Variants in MAML2 observed in about 807,000 individuals in gnomAD.
The protein encoded by MAML2 is mastermind-like protein 2.
Under a neutral mutation model 96.1 loss-of-function variants are expected in MAML2, and 22 were observed. The observed-to-expected ratio is 0.23, with a 90% confidence interval of 0.16 to 0.33. The LOEUF (loss-of-function observed/expected upper bound fraction) is 0.33. MAML2 is among the 10% of genes least tolerant of loss of function. The pLI is 1.00. For synonymous variants in MAML2, 561 were observed against 521.3 expected (o/e 1.08, Z -1.04); for missense variants, 1,367 against 1,392.4 (o/e 0.98, Z 0.29).
intron 2 of MAML2, among the ~76,000 whole-genome samples, chr11:96,014,419 A>G (rs888069627): frequency 9.8e-5 from 15 of 152,308 alleles, no homozygotes; most frequent in African/African-American, 3.1e-4. Context: ...ACATTCAGAA[A>G]ATGAACTTAA....
chr11:96,297,181 A>G, intron 1 of MAML2, among the ~76,000 whole-genome samples: 1 of 152,170 alleles, frequency 6.6e-6, no homozygotes, highest in Non-Finnish European at 1.5e-5. Flanking sequence ...TTCCGGAGTG[A>G]GGTTTCAAAG....
At chr11:96,015,120 C>A (rs1858323554) in intron 2 of MAML2, among the ~76,000 whole-genome samples, 1 of 152,162 alleles carries the variant, frequency 6.6e-6, no homozygotes, top group Non-Finnish European at 1.5e-5. Flanking sequence ...CTCAGGCAGC[C>A]TGACTCCAGA....
At chr11:96,058,126 A>T (rs1251984334) in intron 2 of MAML2, among the ~76,000 whole-genome samples, 1 of 152,188 alleles carries the variant, frequency 6.6e-6, no homozygotes, top group African/African-American at 2.4e-5. Flanking sequence ...TGGGGACCAA[A>T]ATTCCATACT....
At chr11:96,179,714 G>A (rs1196953762) in intron 1 of MAML2, among the ~76,000 whole-genome samples, 1 of 152,216 alleles carries the variant, frequency 6.6e-6, no homozygotes, top group Non-Finnish European at 1.5e-5. Flanking sequence ...GGAGGGACCT[G>A]GGAAGCCACC....
chr11:96,048,115 T>C (rs1410366013), intron 2 of MAML2, among the ~76,000 whole-genome samples: 1 of 152,098 alleles, frequency 6.6e-6, no homozygotes, highest in Non-Finnish European at 1.5e-5. Context: ...TCCTCCATGC[T>C]CTGTTTGGAC....
intron 1 of MAML2, among the ~76,000 whole-genome samples, chr11:96,113,432 T>C (rs1860167821): frequency 6.6e-6 from 1 of 151,876 alleles, no homozygotes; most frequent in Non-Finnish European, 1.5e-5. Context: ...CAAGTAAAAA[T>C]CCTAAGCCTG....
At chr11:96,109,928 C>A (rs1860090454) in intron 1 of MAML2, among the ~76,000 whole-genome samples, 1 of 151,482 alleles carries the variant, frequency 6.6e-6, no homozygotes, top group African/African-American at 2.4e-5. Context: ...TTGCAAGGAA[C>A]AAGAAGAGAA....
At chr11:96,005,597 G>A (rs1858167113) in intron 2 of MAML2, among the ~76,000 whole-genome samples, 1 of 152,194 alleles carries the variant, frequency 6.6e-6, no homozygotes, top group Non-Finnish European at 1.5e-5. Context: ...AGTTGAGGGT[G>A]GAGAGTAGGG....
intron 2 of MAML2, among the ~76,000 whole-genome samples, chr11:96,043,197 T>C (rs565673475): frequency 2.0e-5 from 3 of 152,356 alleles, no homozygotes; most frequent in South Asian, 2.1e-4. Context: ...AATACTGATA[T>C]CATTTTACAA....
intron 1 of MAML2, among the ~76,000 whole-genome samples, chr11:96,141,583 C>T (rs79159369): frequency 1.3e-5 from 2 of 151,940 alleles, no homozygotes; most frequent in Non-Finnish European, 2.9e-5. Context: ...GGGATGAGAG[C>T]CAAGGTAAAT....
At position 95,979,702 on chromosome 11, in the gene MAML2, G is replaced by C; in HGVS notation, c.2717C>G (p.Pro906Arg). 1 of 1,613,950 alleles carries C rather than the reference G, an allele frequency of 6.2e-7. No homozygotes were observed. Among genetic ancestry groups the C allele is most frequent in the Admixed American group, 1.7e-5 (1 of 60,020 alleles). The change falls in exon 5 of 5, where the codon CCT becomes CGT. Residue 906 changes from proline (P) to arginine (R), a missense_variant. By Grantham distance (103) the Pro-to-Arg change is moderately radical. Transcript: ENST00000524717. ...TAAGGTAGGTGGCCGTGGCATCATA[G>C]GGTTGTTTTGATTTGCTAACAATTG... ...PKQLLANQNN[P>R]MMPRPPTLGP...
intron 1 of MAML2, among the ~76,000 whole-genome samples, chr11:96,206,907 T>G (rs1565248629): frequency 6.6e-6 from 1 of 152,080 alleles, no homozygotes; most frequent in Non-Finnish European, 1.5e-5. Context: ...AAAAATATCA[T>G]GTTTGGTAAA....
chr11:96,286,457 G>C (rs148891540), intron 1 of MAML2, among the ~76,000 whole-genome samples: 82 of 152,208 alleles, frequency 5.4e-4, no homozygotes, highest in African/African-American at 2.0e-3. Context: ...TGCACATTCT[G>C]CACATGTACC....
chr11:96,059,429 A>G (rs1443161803), intron 2 of MAML2, among the ~76,000 whole-genome samples: 3 of 152,150 alleles, frequency 2.0e-5, no homozygotes, highest in Non-Finnish European at 4.4e-5. Flanking sequence ...TAAAACCCCT[A>G]CTTTCTTGTT....
chr11:96,204,966 T>C (rs145791625), intron 1 of MAML2, among the ~76,000 whole-genome samples: 9 of 152,354 alleles, frequency 5.9e-5, no homozygotes, highest in African/African-American at 1.9e-4. Context: ...GTGAACTTCT[T>C]AAGAATCGAA....
intron 2 of MAML2, among the ~76,000 whole-genome samples, chr11:96,053,282 C>A (rs1482864203): frequency 6.6e-6 from 1 of 152,194 alleles, no homozygotes; most frequent in Non-Finnish European, 1.5e-5. Context: ...AAAATGCCAA[C>A]TGCCACTAGA....
chr11:96,297,123 G>T lies in MAML2; in HGVS notation c.513+44260C>A, dbSNP rs149990958. Among the ~76,000 whole-genome samples the T allele has an allele frequency of 5.8e-4, 88 of 152,240 alleles. 2 individuals are homozygous for T. In the East Asian group the frequency reaches 0.016, roughly 28 times the overall value. On this transcript the variant is annotated intron_variant, in intron 1 of 4. Transcript: ENST00000524717. ...CCACTTCAGCTTGGGAAAGGCTGCAGCTGGGCTGGGACCCCAGCTGATGAT... is the reference window on the plus strand; with the variant it reads ...CCACTTCAGCTTGGGAAAGGCTGCATCTGGGCTGGGACCCCAGCTGATGAT...
intron 1 of MAML2, among the ~76,000 whole-genome samples, chr11:96,116,967 A>C (rs1269223666): frequency 6.6e-6 from 1 of 152,194 alleles, no homozygotes; most frequent in Non-Finnish European, 1.5e-5. Context: ...GATTACTAAT[A>C]ACAAATGATG....
At chr11:96,297,844 A>G (rs1863324682) in intron 1 of MAML2, among the ~76,000 whole-genome samples, 2 of 152,300 alleles carry the variant, frequency 1.3e-5, no homozygotes, top group South Asian at 4.1e-4. Context: ...GCATCTCTAA[A>G]AATATTTTCT....
Sources: gnomAD v4.1 joint callset for allele counts (sites outside exome capture counted in the v4.1 genomes callset) on GRCh38, gnomAD v4.1.1 for gene constraint, MANE v1.5 for transcripts, NCBI Gene and HGNC (gene_info 2026-07-23, HGNC 2026-07-21) for gene names.